The following PCDH15 variants were observed in gnomAD, a reference collection of about 807,000 sequenced individuals.
PCDH15 encodes the protein protocadherin related 15, also known as protocadherin-15.
A neutral mutation model predicts 178.5 loss-of-function variants in PCDH15; 129 were observed. That is an observed-to-expected ratio of 0.72 (90% CI 0.63 to 0.84). The LOEUF (loss-of-function observed/expected upper bound fraction) is 0.84. Among genes scored for constraint, PCDH15 ranks in the 40% least tolerant of loss-of-function variants. PCDH15 has a pLI of 0.00. For synonymous variants in PCDH15, 800 were observed against 732.0 expected, an observed-to-expected ratio of 1.09 and a Z score of -1.50; for missense variants, 2,230 against 2,099.9, an observed-to-expected ratio of 1.06 and a Z score of -1.21.
At chr10:54,105,401 T>C (rs996436001) in intron 15 of PCDH15, among the ~76,000 whole-genome samples, 1 of 150,574 alleles carries the variant, frequency 6.6e-6, no homozygotes, top group African/African-American at 2.4e-5. Flanking sequence ...TTAAGTAGTA[T>C]TAACTCACAC....
chr10:55,164,134 T>C (rs1401939795), intron 2 of PCDH15, among the ~76,000 whole-genome samples: 1 of 152,072 alleles, frequency 6.6e-6, no homozygotes, highest in Non-Finnish European at 1.5e-5. Flanking sequence ...CAGACCCAAG[T>C]TTGAGTCTCA....
rs116276259 is a variant in PCDH15 at position 55,095,830 on chromosome 10, T to C, written c.-80+70746A>G. Among the ~76,000 whole-genome samples the C allele has an allele frequency of 4.5e-3, 682 of 152,210 alleles. 2 individuals are homozygous for C. The highest frequency in any genetic ancestry group is 0.015 in the African/African-American group (642 of 41,564). On this transcript the variant is annotated intron_variant, in intron 2 of 5. Coordinates refer to the PCDH15 transcript ENST00000458638. ...GTCATATAATATCAAATCTTCAAAT[T>C]GTAAATACCTTGAAGGATTCATGGT...
At chr10:54,582,793 C>T (rs990440699) in intron 2 of PCDH15, among the ~76,000 whole-genome samples, 6 of 151,900 alleles carry the variant, frequency 3.9e-5, no homozygotes, top group South Asian at 2.1e-4. Context: ...GCACACCTCT[C>T]GGCAGGAGGA....
intron 20 of PCDH15, among the ~76,000 whole-genome samples, chr10:54,016,505 TAAAG>T (rs1274795055): frequency 8.6e-5 from 9 of 104,956 alleles, no homozygotes; most frequent in Admixed American, 7.8e-4. Flanking sequence ...GTAGACTAAA[TAAAG>T]AAAATGTGGC....
rs746250247 is a variant in PCDH15 at position 54,207,364 on chromosome 10, T to TTGTG, written c.1098+6568_1098+6571dup. Among the ~76,000 whole-genome samples the TTGTG allele has an allele frequency of 1.5e-3, 129 of 87,584 alleles. 1 individual carries two copies. The highest frequency in any genetic ancestry group is 6.0e-3 in the African/African-American group (106 of 17,800). The allele number at this position is 87,584 out of a possible 152,430, so 57.5% of individuals were successfully genotyped here. On this transcript the variant is annotated intron_variant, in intron 10 of 37. Coordinates refer to ENST00000644397, the MANE Select transcript of PCDH15 (RefSeq NM_001384140.1). ...GAAGAAACACAAATACTGTTTTGTT[T>TTGTG]TGTGTGTGTGTGTATGTGTGTGTGT...
At chr10:54,250,811 T>C (rs2056412973) in intron 8 of PCDH15, among the ~76,000 whole-genome samples, 1 of 152,190 alleles carries the variant, frequency 6.6e-6, no homozygotes, top group Admixed American at 6.5e-5. Flanking sequence ...TAAATGTCTC[T>C]AATGTGTTCC....
intron 1 of PCDH15, among the ~76,000 whole-genome samples, chr10:54,761,314 C>T (rs1287143356): frequency 6.6e-6 from 1 of 151,988 alleles, no homozygotes. Flanking sequence ...TCACAGTTGC[C>T]AAGAAACCGA....
At chr10:54,402,570 C>T (rs1952067247) in intron 3 of PCDH15, among the ~76,000 whole-genome samples, 1 of 151,700 alleles carries the variant, frequency 6.6e-6, no homozygotes, top group African/African-American at 2.4e-5. Context: ...ATTTATTAGC[C>T]ATTTTTTCCA....
chr10:55,295,206 T>C (rs1843102162), intron 1 of PCDH15, among the ~76,000 whole-genome samples: 1 of 152,226 alleles, frequency 6.6e-6, no homozygotes, highest in African/African-American at 2.4e-5. Flanking sequence ...TTATACTTTC[T>C]CCCTTTTTTA....
At chr10:54,228,500 T>C (rs2053701824) in intron 9 of PCDH15, among the ~76,000 whole-genome samples, 1 of 152,178 alleles carries the variant, frequency 6.6e-6, no homozygotes. Flanking sequence ...AGCCAAGCGA[T>C]ATCATTTGTT....
chr10:55,502,266 A>C, intron 2 of PCDH15, among the ~76,000 whole-genome samples: 2 of 151,714 alleles, frequency 1.3e-5, no homozygotes, highest in South Asian at 4.1e-4. Flanking sequence ...TACTAAATAC[A>C]ATGCTTCCTT....
At chr10:55,264,493 G>T (rs1164609306) in intron 1 of PCDH15, among the ~76,000 whole-genome samples, 1 of 152,184 alleles carries the variant, frequency 6.6e-6, no homozygotes, top group Admixed American at 6.5e-5. Context: ...CTTATGGCCA[G>T]CACCTGCCAA....
At chr10:55,124,051 G>T (rs4935574) in intron 2 of PCDH15, among the ~76,000 whole-genome samples, 152,251 of 152,274 alleles carry the variant, frequency 1, 76,114 homozygotes, top group Non-Finnish European at 1. Flanking sequence ...TGGGCTGCAA[G>T]GAGCTTTTCT....
At chr10:54,135,492 C>T (rs1009823663) in intron 14 of PCDH15, among the ~76,000 whole-genome samples, 5 of 152,234 alleles carry the variant, frequency 3.3e-5, no homozygotes, top group South Asian at 4.1e-4. Flanking sequence ...TTCCCACTTC[C>T]GTGTTGTGAG....
chr10:55,364,598 A>G (rs1485690828), intron 2 of PCDH15, among the ~76,000 whole-genome samples: 3 of 152,022 alleles, frequency 2.0e-5, no homozygotes, highest in Non-Finnish European at 2.9e-5. Flanking sequence ...GCACATGGCT[A>G]TATTATTTTG....
At chr10:55,388,862 C>T (rs1407847876) in intron 2 of PCDH15, among the ~76,000 whole-genome samples, 2 of 151,948 alleles carry the variant, frequency 1.3e-5, no homozygotes. Flanking sequence ...AATGTCTCCC[C>T]CATCATTTGG....
At chr10:54,357,378 TAGAG>T (rs1272638896) in intron 5 of PCDH15, among the ~76,000 whole-genome samples, 2 of 151,914 alleles carry the variant, frequency 1.3e-5, no homozygotes, top group Admixed American at 6.6e-5. Context: ...AACAGACAAA[TAGAG>T]AGCCAAATCA....
At chr10:55,325,290 C>A (rs902106570) in intron 2 of PCDH15, among the ~76,000 whole-genome samples, 1 of 151,918 alleles carries the variant, frequency 6.6e-6, no homozygotes, top group Non-Finnish European at 1.5e-5. Context: ...ATAACAAAGC[C>A]TGAGACATGA....
intron 3 of PCDH15, among the ~76,000 whole-genome samples, chr10:54,433,738 T>C (rs1565263626): frequency 6.6e-6 from 1 of 152,192 alleles, no homozygotes; most frequent in Admixed American, 6.5e-5. Context: ...CTTGAGGGGA[T>C]GGAGACTCAA....
Sources: allele counts gnomAD v4.1 joint callset (sites outside exome capture counted in the v4.1 genomes callset), GRCh38; gene constraint gnomAD v4.1.1; transcripts MANE v1.5; gene names NCBI Gene and HGNC (gene_info 2026-07-23, HGNC 2026-07-21).